ADGRL4: variants seen among roughly 807,000 people sequenced by gnomAD.
ADGRL4 encodes EGF, latrophilin and seven transmembrane domain containing 1.
In ADGRL4, 90 loss-of-function variants were observed where a neutral mutation model predicts 74.8. The ratio of observed to expected loss-of-function variants is 1.20; its 90% CI spans 1.02 to 1.43. The LOEUF is 1.43. ADGRL4 is among the 40% of genes most tolerant of loss of function. The pLI is 0.00. For synonymous variants in ADGRL4, 311 were observed against 279.2 expected, an observed-to-expected ratio of 1.11 and a Z score of -1.14; for missense variants, 881 against 814.3, an observed-to-expected ratio of 1.08 and a Z score of -1.00.
rs1243104665 is a variant in ADGRL4 at position 78,979,147 on chromosome 1, G to T, written c.172+25923C>A. 5.3e-5 allele frequency among the ~76,000 whole-genome samples: 8 copies of T among 152,006 alleles called. No individual in the cohort carries two copies. The East Asian group carries it at 1.6e-3, about 30-fold the overall frequency. Reference sequence around the variant, plus strand: ...AAGATTTTACCATAATTTGGAAATGGTGAACCTAACCTTCAAAAATAAACA... The same window carrying T: ...AAGATTTTACCATAATTTGGAAATGTTGAACCTAACCTTCAAAAATAAACA... On this transcript the variant is annotated intron_variant, in intron 2 of 14. Coordinates refer to ENST00000370742, the MANE Select transcript of ADGRL4 (RefSeq NM_022159.4).
chr1:78,942,747 A>G (rs1180895487), intron 3 of ADGRL4, among the ~76,000 whole-genome samples: 6 of 152,210 alleles, frequency 3.9e-5, no homozygotes, highest in African/African-American at 1.4e-4. Flanking sequence ...TGAGCAACAT[A>G]GCAAGAACCT....
chr1:78,961,713 C>T (rs1265602524), intron 2 of ADGRL4, among the ~76,000 whole-genome samples: 1 of 152,018 alleles, frequency 6.6e-6, no homozygotes, highest in African/African-American at 2.4e-5. Context: ...TCTTAAATGG[C>T]ACCATTGTAT....
intron 3 of ADGRL4, among the ~76,000 whole-genome samples, chr1:78,941,515 T>C (rs1230637253): frequency 6.6e-6 from 1 of 152,168 alleles, no homozygotes; most frequent in Non-Finnish European, 1.5e-5. Context: ...ATGCCTTCTA[T>C]AGGTAACAGT....
chr1:78,968,510 G>T lies in ADGRL4; in HGVS notation c.173-22084C>A, dbSNP rs1246293125. Among the ~76,000 whole-genome samples the T allele has an allele frequency of 2.1e-3, 284 of 137,176 alleles. 3 individuals are homozygous for T. The highest frequency in any genetic ancestry group is 7.0e-3 in the African/African-American group (265 of 38,070). The allele number at this position is 137,176 out of a possible 152,430, so 90.0% of individuals were successfully genotyped here. A position where few individuals can be genotyped will look rare whatever the true frequency, so the allele number is the denominator to read the frequency against. Reference sequence around the variant, plus strand: ...TACTGGGGTGGAGGGCGGTGGGGGGGTGGGGGGGAGACGGGGGTCGGCAAT... The same window carrying T: ...TACTGGGGTGGAGGGCGGTGGGGGGTTGGGGGGGAGACGGGGGTCGGCAAT... On this transcript the variant is annotated intron_variant, in intron 2 of 14. Transcript: ENST00000370742.
chr1:78,897,477 A>G (rs1648422141), intron 12 of ADGRL4, among the ~76,000 whole-genome samples: 1 of 152,122 alleles, frequency 6.6e-6, no homozygotes, highest in African/African-American at 2.4e-5. Context: ...GTCTCTTCTC[A>G]GTAATTATTC....
intron 12 of ADGRL4, among the ~76,000 whole-genome samples, chr1:78,908,035 C>G (rs1262179542): frequency 6.6e-6 from 1 of 152,006 alleles, no homozygotes; most frequent in Non-Finnish European, 1.5e-5. Flanking sequence ...CCAAGCCACG[C>G]AGACTGTCCA....
At chr1:78,998,180 G>A (rs1650757939) in intron 2 of ADGRL4, among the ~76,000 whole-genome samples, 1 of 151,656 alleles carries the variant, frequency 6.6e-6, no homozygotes, top group South Asian at 2.1e-4. Flanking sequence ...GCCCCCTTTT[G>A]TGGCATTTGA....
chr1:78,985,834 C>T lies in ADGRL4; in HGVS notation c.172+19236G>A, dbSNP rs192405673. The stretch of plus-strand genomic sequence containing the variant: ...TGTGGTATATACACACTATGGAATA[C>T]TATGCAGCCATTAAAAAGGACGAGA... On this transcript the variant is annotated intron_variant, in intron 2 of 14. Coordinates refer to ENST00000370742, the MANE Select transcript of ADGRL4 (RefSeq NM_022159.4). 4.6e-5 allele frequency among the ~76,000 whole-genome samples: 7 copies of T among 151,902 alleles called. No homozygotes were observed. In the East Asian group the frequency reaches 1.4e-3, roughly 29 times the overall value.
intron 2 of ADGRL4, among the ~76,000 whole-genome samples, chr1:78,971,641 A>C (rs12047525): frequency 0.072 from 10,964 of 152,314 alleles, 632 homozygotes; most frequent in East Asian, 0.35. Context: ...GCCGTGTGGC[A>C]AAGATCCGGC....
intron 2 of ADGRL4, among the ~76,000 whole-genome samples, chr1:78,997,084 GTGAGAAAACACAT>G (rs1159946077): frequency 6.6e-6 from 1 of 152,036 alleles, no homozygotes; most frequent in Non-Finnish European, 1.5e-5. Context: ...TGCAGTTAGC[GTGAGAAAACACAT>G]TGATGATCAC....
At chr1:79,002,846 T>C (rs1390717599) in intron 2 of ADGRL4, among the ~76,000 whole-genome samples, 1 of 152,048 alleles carries the variant, frequency 6.6e-6, no homozygotes, top group Non-Finnish European at 1.5e-5. Context: ...AAAAAATGAT[T>C]AAATTAAATA....
At chr1:78,990,521 A>T (rs1196334457) in intron 2 of ADGRL4, among the ~76,000 whole-genome samples, 1 of 151,980 alleles carries the variant, frequency 6.6e-6, no homozygotes, top group East Asian at 1.9e-4. Context: ...ATACTTATTT[A>T]TTCTTAAAGC....
chr1:78,940,649 C>A (rs1649457138), intron 3 of ADGRL4, among the ~76,000 whole-genome samples: 1 of 151,968 alleles, frequency 6.6e-6, no homozygotes, highest in African/African-American at 2.4e-5. Context: ...CTTAAAGATA[C>A]TTTATATTAA....
chr1:78,974,767 C>T (rs1309833329), intron 2 of ADGRL4, among the ~76,000 whole-genome samples: 1 of 152,128 alleles, frequency 6.6e-6, no homozygotes, highest in Admixed American at 6.6e-5. Flanking sequence ...TTGAATCTTT[C>T]TCATATCACC....
rs777620699 is a variant in ADGRL4, at chr1:78,891,185, T to C, written c.2042A>G (p.Asn681Ser). 2.5e-6 allele frequency: 4 copies of C among 1,611,056 alleles called. No homozygotes were observed. Among genetic ancestry groups the C allele is most frequent in the Non-Finnish European group, 3.4e-6 (4 of 1,178,164 alleles). ...IQEEYYRLFK[N>S]VPCCFGCLR ...TAAACATCCAAAACAACAGGGGACA[T>C]TTTTGAACAATCTGTAATATTCTTC... The change falls in exon 15 of 15, where the codon AAT becomes AGT. Residue 681 changes from asparagine (N) to serine (S), a missense_variant. Physicochemically the swap from Asn to Ser is conservative, Grantham distance 46. Transcript: ENST00000370742.
chr1:78,923,945 G>T (rs1418546129), intron 8 of ADGRL4, among the ~76,000 whole-genome samples: 1 of 151,734 alleles, frequency 6.6e-6, no homozygotes, highest in East Asian at 1.9e-4. Flanking sequence ...TAAAACTGAA[G>T]ACCATACATT....
At chr1:78,967,546 G>A (rs1222543432) in intron 2 of ADGRL4, among the ~76,000 whole-genome samples, 1 of 152,124 alleles carries the variant, frequency 6.6e-6, no homozygotes, top group African/African-American at 2.4e-5. Context: ...GCATAGAAAT[G>A]TAAATTTTTG....
At chr1:78,967,661 T>C (rs7551905) in intron 2 of ADGRL4, among the ~76,000 whole-genome samples, 4,556 of 152,320 alleles carry the variant, frequency 0.03, 87 homozygotes, top group South Asian at 0.053. Context: ...GTTCTCTGTG[T>C]GAACATACTG....
chr1:78,996,596 C>T (rs114475830), intron 2 of ADGRL4, among the ~76,000 whole-genome samples: 5,638 of 152,104 alleles, frequency 0.037, 114 homozygotes, highest in South Asian at 0.055. Flanking sequence ...TTTATTTTAT[C>T]CTCTGCTAAA....
Sources: gnomAD v4.1 joint callset for allele counts (sites outside exome capture counted in the v4.1 genomes callset) on GRCh38, gnomAD v4.1.1 for gene constraint, MANE v1.5 for transcripts, NCBI Gene and HGNC (gene_info 2026-07-23, HGNC 2026-07-21) for gene names.